The following INPP4B variants were observed in gnomAD, a reference collection of about 807,000 sequenced individuals.
INPP4B encodes inositol polyphosphate-4-phosphatase type II B.
A neutral mutation model predicts 122.5 loss-of-function variants in INPP4B; 55 were observed. The observed-to-expected ratio is 0.45, with a 90% CI of 0.36 to 0.56. INPP4B has a LOEUF of 0.56. Among genes scored for constraint, INPP4B ranks in the 20% least tolerant of loss-of-function variants. The probability of loss-of-function intolerance (pLI) is 0.00; values close to 1 mark genes in which losing one functional copy is unlikely to be tolerated. For synonymous variants in INPP4B, 403 were observed against 388.7 expected (o/e 1.04, Z -0.43); for missense variants, 1,000 against 1,097.7 (o/e 0.91, Z 1.26).
intron 2 of INPP4B, among the ~76,000 whole-genome samples, chr4:142,660,295 C>T (rs1754936280): frequency 6.6e-6 from 1 of 152,012 alleles, no homozygotes; most frequent in Non-Finnish European, 1.5e-5. Context: ...GCTGTTCTCT[C>T]TCTCCCTCAC....
At position 142,024,252 on chromosome 4, in the gene INPP4B, GATATA is replaced by G. The variant is rs1736335134; in HGVS notation, c.*4525_*4529del. 1 of 152,092 alleles carries G rather than the reference GATATA, an allele frequency of 6.6e-6. No individual in the cohort carries two copies. The highest frequency in any genetic ancestry group is 6.6e-5 in the Admixed American group (1 of 15,256). The allele number at this position is 152,092 out of a possible 1,614,324, so 9.4% of individuals were successfully genotyped here. On this transcript the variant is annotated 3_prime_UTR_variant, in exon 26 of 26. Transcript: ENST00000262992. Reference sequence around the variant, plus strand: ...AATTAAAACTGCCAAAGCAACAAAAGATATAATATATTGGGACTTTATAAGCTAAG... The same window carrying G: ...AATTAAAACTGCCAAAGCAACAAAAGATATATTGGGACTTTATAAGCTAAG...
intron 7 of INPP4B, among the ~76,000 whole-genome samples, chr4:142,386,604 G>T (rs550085624): frequency 1.6e-4 from 24 of 152,100 alleles, no homozygotes; most frequent in Non-Finnish European, 3.1e-4. Context: ...TTCAAACCAC[G>T]TTCAAATAAG....
intron 6 of INPP4B, 75 bp from the exon 7 acceptor site, chr4:142,403,129 A>G: frequency 1.3e-6 from 1 of 797,496 alleles, no homozygotes; most frequent in Non-Finnish European, 2.2e-6. Flanking sequence ...GTGACACATG[A>G]GAATGCAGAA....
At position 142,058,993 on chromosome 4, in the gene INPP4B, G is replaced by A. The variant is rs993769236; in HGVS notation, c.2642+23038C>T. Among the ~76,000 whole-genome samples, 12 of 152,212 alleles carry A rather than the reference G, an allele frequency of 7.9e-5. No homozygotes were observed. The South Asian group carries it at 1.0e-3, about 13-fold the overall frequency. On this transcript the variant is annotated intron_variant, in intron 25 of 25. Transcript: ENST00000262992. ...AAAGCAGAAAAGTGCAGGCAGGTCA[G>A]AAATCACCTAAAAACCCAATCAATA... is the stretch of plus-strand genomic sequence containing the variant.
At chr4:142,566,333 A>G (rs1731618680) in intron 2 of INPP4B, 2 of 152,314 alleles carry the variant, frequency 1.3e-5, no homozygotes, top group Admixed American at 1.3e-4. Context: ...AAGGAAAGTT[A>G]ACACAGAAAT....
rs1292052260 is a variant in INPP4B, at chr4:142,402,965, A to G, written c.345T>C (p.Tyr115=). The G allele has an allele frequency of 1.3e-6, 2 of 1,581,172 alleles. No homozygotes were observed. Among genetic ancestry groups the G allele is most frequent in the Admixed American group, 1.7e-5 (1 of 59,960 alleles). ...YEETKIKLTV[Y]DVKDKSHDTV... Reference sequence around the variant, plus strand: ...TGTCATGAGACTTATCCTTGACATCATAGACTGTTAGTTTTATTTTGGTCT... The same window carrying G: ...TGTCATGAGACTTATCCTTGACATCGTAGACTGTTAGTTTTATTTTGGTCT... The change falls in exon 7 of 26, where the codon TAT becomes TAC. Residue 115 remains tyrosine, a synonymous_variant. Transcript: ENST00000262992.
chr4:142,768,991 T>C (rs1772592882), intron 1 of INPP4B, among the ~76,000 whole-genome samples: 1 of 152,184 alleles, frequency 6.6e-6, no homozygotes, highest in South Asian at 2.1e-4. Flanking sequence ...TCTATTACAA[T>C]AGCCCAAGGT....
chr4:142,382,637 C>T (rs113824067), intron 7 of INPP4B, among the ~76,000 whole-genome samples: 3,664 of 110,330 alleles, frequency 0.033, 533 homozygotes, highest in African/African-American at 0.11. Flanking sequence ...TAAATATATA[C>T]ATTTATATAT....
chr4:142,600,445 A>AC (rs1739662596), intron 2 of INPP4B, among the ~76,000 whole-genome samples: 1 of 152,222 alleles, frequency 6.6e-6, no homozygotes, highest in Non-Finnish European at 1.5e-5. Context: ...ATACCACTAG[A>AC]CCTGACTTAC....
chr4:142,189,321 A>G (rs1321902587), intron 15 of INPP4B, among the ~76,000 whole-genome samples: 5 of 152,232 alleles, frequency 3.3e-5, no homozygotes, highest in Non-Finnish European at 7.3e-5. Context: ...TCTAGTTTTT[A>G]GCACTTTTAA....
At position 142,569,927 on chromosome 4, in the gene INPP4B, A is replaced by T. The variant is rs1436593963; in HGVS notation, c.-190-107201T>A. Reference sequence around the variant, plus strand: ...GTGTACAAAATACATAGGTAATAAAATAAAATCAACATTATTTTTCTTCCA... The same window carrying T: ...GTGTACAAAATACATAGGTAATAAATTAAAATCAACATTATTTTTCTTCCA... On this transcript the variant is annotated intron_variant, in intron 2 of 25. Coordinates refer to ENST00000262992, the MANE Select transcript of INPP4B (RefSeq NM_001101669.3). 3.3e-5 allele frequency among the ~76,000 whole-genome samples: 5 copies of T among 152,264 alleles called. No individual in the cohort carries two copies. In the South Asian group the frequency reaches 6.2e-4, roughly 19 times the overall value.
rs1460591077 is a variant in INPP4B, at chr4:142,608,092, G to GT, written c.-191+117746dup. On this transcript the variant is annotated intron_variant, in intron 2 of 25. Transcript: ENST00000262992. ...GCACAAGCATTAAAGAAGTTGTTTG[G>GT]TTTTTTGTTTTAAATAAATGAATGA... Among the ~76,000 whole-genome samples, 9 of 152,130 alleles carry GT rather than the reference G, an allele frequency of 5.9e-5. No homozygotes were observed. The South Asian group carries it at 1.5e-3, about 25-fold the overall frequency.
intron 2 of INPP4B, among the ~76,000 whole-genome samples, chr4:142,600,607 T>C (rs368194328): frequency 1.3e-5 from 2 of 151,716 alleles, no homozygotes; most frequent in Admixed American, 6.6e-5. Flanking sequence ...AAAAAGCATA[T>C]CACAAGGACG....
intron 2 of INPP4B, among the ~76,000 whole-genome samples, chr4:142,607,694 A>G (rs1352449200): frequency 6.6e-6 from 1 of 152,176 alleles, no homozygotes; most frequent in East Asian, 1.9e-4. Flanking sequence ...TATTTTGCAC[A>G]TTCACATTAG....
chr4:142,317,319 C>A (rs1768107106), intron 7 of INPP4B: 6 of 382,764 alleles, frequency 1.6e-5, no homozygotes. Context: ...CCTAGATGAG[C>A]AAATTTACAT....
intron 25 of INPP4B, among the ~76,000 whole-genome samples, chr4:142,031,469 T>G (rs1244977301): frequency 1.3e-5 from 2 of 152,202 alleles, no homozygotes; most frequent in Non-Finnish European, 2.9e-5. Flanking sequence ...TATGAATTAG[T>G]GTAAAACACC....
rs139821272 is a variant in INPP4B at position 142,654,351 on chromosome 4, C to T, written c.-191+71488G>A. Among the ~76,000 whole-genome samples the T allele has an allele frequency of 1.0e-2, 1,271 of 127,446 alleles. 17 individuals carry two copies. The highest frequency in any genetic ancestry group is 0.035 in the African/African-American group (1,210 of 34,272). 83.6% of individuals were successfully genotyped at this position (127,446 alleles called of 152,430 possible). A position where few individuals can be genotyped will look rare whatever the true frequency, so the allele number is the denominator to read the frequency against. On this transcript the variant is annotated intron_variant, in intron 2 of 25. Transcript: ENST00000262992. Reference sequence around the variant, plus strand: ...AAAACTGCACATTGTGCACTTGTACCCTAGAACTTAAAGTATAAAAAAAAA... The same window carrying T: ...AAAACTGCACATTGTGCACTTGTACTCTAGAACTTAAAGTATAAAAAAAAA...
chr4:142,218,642 A>G (rs1377699756), intron 12 of INPP4B, among the ~76,000 whole-genome samples: 1 of 152,196 alleles, frequency 6.6e-6, no homozygotes, highest in Admixed American at 6.5e-5. Flanking sequence ...AATGAGCTCT[A>G]TAATACCATT....
At chr4:142,807,201 G>A (rs567156219) in intron 1 of INPP4B, among the ~76,000 whole-genome samples, 2 of 152,142 alleles carry the variant, frequency 1.3e-5, no homozygotes, top group South Asian at 4.2e-4. Context: ...ATATTGTAAG[G>A]GAGGCGTGAA....
Sources: gnomAD v4.1 joint callset for allele counts (sites outside exome capture counted in the v4.1 genomes callset) on GRCh38, gnomAD v4.1.1 for gene constraint, MANE v1.5 for transcripts, NCBI Gene and HGNC (gene_info 2026-07-23, HGNC 2026-07-21) for gene names.